Variants in PRKCB observed in about 807,000 individuals in gnomAD.
PRKCB encodes protein kinase C beta.
Under a neutral mutation model 81.5 loss-of-function variants are expected in PRKCB, and 13 were observed. That is an observed-to-expected ratio of 0.16 (90% CI 0.10 to 0.25). PRKCB has a LOEUF of 0.25. Among genes scored for constraint, PRKCB ranks in the 10% least tolerant of loss-of-function variants. PRKCB has a pLI of 1.00. For missense variants in PRKCB, 509 were observed against 875.7 expected (o/e 0.58, Z 5.29); for synonymous variants, 335 against 321.4 (o/e 1.04, Z -0.45).
intron 9 of PRKCB, among the ~76,000 whole-genome samples, chr16:24,135,877 C>T (rs1291566322): frequency 6.6e-6 from 1 of 152,174 alleles, no homozygotes; most frequent in Non-Finnish European, 1.5e-5. Context: ...TTGCTATCTT[C>T]CTGCACCATA....
At chr16:24,162,566 G>A (rs1337806402) in intron 10 of PRKCB, among the ~76,000 whole-genome samples, 2 of 142,534 alleles carry the variant, frequency 1.4e-5, no homozygotes, top group African/African-American at 2.6e-5. Context: ...CCCCTGCCTC[G>A]ACTTCCGGAG....
chr16:23,960,895 A>G (rs1424540679), intron 2 of PRKCB, among the ~76,000 whole-genome samples: 1 of 152,204 alleles, frequency 6.6e-6, no homozygotes, highest in Admixed American at 6.5e-5. Context: ...GCTAAATTCA[A>G]CAGCCCTATT....
chr16:24,053,548 G>T (rs1000422500), intron 5 of PRKCB, among the ~76,000 whole-genome samples: 7 of 152,186 alleles, frequency 4.6e-5, no homozygotes, highest in African/African-American at 1.7e-4. Flanking sequence ...AATACGAACA[G>T]TAAGCTAAGG....
At chr16:24,185,653 G>A in intron 15 of PRKCB, 86 bp downstream of exon 15, 1 of 1,119,446 alleles carries the variant, frequency 8.9e-7, no homozygotes, top group Non-Finnish European at 1.3e-6. Context: ...CCACCAGGGG[G>A]GAACACAGCC....
chr16:24,185,601 AC>A, intron 15 of PRKCB, 34 bp downstream of exon 15: 1 of 1,567,098 alleles, frequency 6.4e-7, no homozygotes, highest in Non-Finnish European at 8.8e-7. Context: ...GACCAGGACC[AC>A]CACATAAAGG....
chr16:23,989,587 T>C (rs1255450789), intron 3 of PRKCB, among the ~76,000 whole-genome samples: 1 of 152,244 alleles, frequency 6.6e-6, no homozygotes, highest in Non-Finnish European at 1.5e-5. Context: ...TTTGCATTTA[T>C]GATAAGGATA....
intron 2 of PRKCB, among the ~76,000 whole-genome samples, chr16:23,949,822 C>T (rs1964252819): frequency 6.6e-6 from 1 of 152,206 alleles, no homozygotes; most frequent in Non-Finnish European, 1.5e-5. Flanking sequence ...CAGATGAAGA[C>T]ACTGAGGCAA....
intron 5 of PRKCB, among the ~76,000 whole-genome samples, chr16:24,061,745 T>A (rs1965974927): frequency 6.6e-6 from 1 of 151,522 alleles, no homozygotes; most frequent in Non-Finnish European, 1.5e-5. Flanking sequence ...AAGAAGCCCA[T>A]AAAAATAAAT....
At chr16:24,209,339 C>T (rs75468830) in intron 16 of PRKCB, among the ~76,000 whole-genome samples, 8,097 of 152,120 alleles carry the variant, frequency 0.053, 327 homozygotes, top group East Asian at 0.18. Flanking sequence ...CACCATTCCT[C>T]TCCTGTGGAT....
chr16:23,861,454 A>AC (rs1962662605), intron 2 of PRKCB, among the ~76,000 whole-genome samples: 2 of 152,200 alleles, frequency 1.3e-5, no homozygotes, highest in South Asian at 4.1e-4. Context: ...GGCATGAGCC[A>AC]CCATGCCTGA....
At chr16:24,023,771 G>C (rs562930165) in intron 3 of PRKCB, among the ~76,000 whole-genome samples, 1 of 152,262 alleles carries the variant, frequency 6.6e-6, no homozygotes, top group East Asian at 1.9e-4. Flanking sequence ...TGGGTCCTCT[G>C]GGCCTTTTCC....
At chr16:23,988,166 A>G (rs1431903008) in intron 2 of PRKCB, among the ~76,000 whole-genome samples, 1 of 152,224 alleles carries the variant, frequency 6.6e-6, no homozygotes, top group Non-Finnish European at 1.5e-5. Flanking sequence ...CAACTACTTC[A>G]TCTGGCACCT....
At chr16:24,001,594 C>G (rs540706355) in intron 3 of PRKCB, among the ~76,000 whole-genome samples, 1 of 152,054 alleles carries the variant, frequency 6.6e-6, no homozygotes, top group East Asian at 1.9e-4. Context: ...TCAATTTTGT[C>G]TCAAAAAGAA....
At chr16:23,973,750 G>A (rs1396361150) in intron 2 of PRKCB, among the ~76,000 whole-genome samples, 2 of 151,948 alleles carry the variant, frequency 1.3e-5, no homozygotes, top group East Asian at 3.8e-4. Flanking sequence ...GCATGATCAC[G>A]GCTCACTGCA....
chr16:23,922,517 A>G (rs1963840648), intron 2 of PRKCB, among the ~76,000 whole-genome samples: 1 of 152,228 alleles, frequency 6.6e-6, no homozygotes, highest in Non-Finnish European at 1.5e-5. Flanking sequence ...ACTATATGCA[A>G]ATGTTATTTA....
intron 2 of PRKCB, among the ~76,000 whole-genome samples, chr16:23,862,369 GTC>G (rs939380559): frequency 1.3e-5 from 2 of 152,148 alleles, no homozygotes; most frequent in African/African-American, 4.8e-5. Context: ...TCTCTTGGCT[GTC>G]TCTATTATGG....
chr16:24,105,091 CTA>C (rs1488471859), intron 7 of PRKCB, among the ~76,000 whole-genome samples: 4 of 150,800 alleles, frequency 2.7e-5, no homozygotes, highest in African/African-American at 9.8e-5. Context: ...GAGTCTCACT[CTA>C]TCGCCCAGGC....
intron 2 of PRKCB, among the ~76,000 whole-genome samples, chr16:23,950,404 C>A (rs1964265394): frequency 6.6e-6 from 1 of 152,174 alleles, no homozygotes. Context: ...GGGCTTCCTC[C>A]TGGAGGGCTG....
intron 2 of PRKCB, among the ~76,000 whole-genome samples, chr16:23,934,123 T>C (rs1165894170): frequency 6.6e-6 from 1 of 152,096 alleles, no homozygotes; most frequent in Non-Finnish European, 1.5e-5. Flanking sequence ...TGGACTTGCT[T>C]GGTTCTGTCT....
Sources: allele counts gnomAD v4.1 joint callset (sites outside exome capture counted in the v4.1 genomes callset), GRCh38; gene constraint gnomAD v4.1.1; transcripts MANE v1.5; gene names NCBI Gene and HGNC (gene_info 2026-07-23, HGNC 2026-07-21).